ADORA2B: variants seen among roughly 807,000 people sequenced by gnomAD.
ADORA2B encodes adenosine A2b receptor, also known as adenosine receptor A2b.
A neutral mutation model predicts 20.8 loss-of-function variants in ADORA2B; 18 were observed. The observed-to-expected ratio is 0.87, with a 90% CI of 0.60 to 1.29. ADORA2B has a LOEUF of 1.29. Among genes scored for constraint, ADORA2B ranks in the 50% most tolerant of loss-of-function variants. ADORA2B has a pLI of 0.00. For missense variants in ADORA2B, 441 were observed against 422.7 expected (o/e 1.04, Z -0.38); for synonymous variants, 179 against 178.3 (o/e 1.00, Z -0.03).
chr17:15,888,815 CATAT>C, the ADORA2B span, among the ~76,000 whole-genome samples: 1,168 of 15,728 alleles, frequency 0.074, 144 homozygotes, highest in Middle Eastern at 0.2. Flanking sequence ...TATGTGATGC[CATAT>C]ATATATATAT....
the ADORA2B span, among the ~76,000 whole-genome samples, chr17:15,859,176 T>C: frequency 6.6e-6 from 1 of 152,116 alleles, no homozygotes; most frequent in African/African-American, 2.4e-5. Context: ...CAACAACTAT[T>C]GCCCTGAAGT....
chr17:15,865,262 T>G, the ADORA2B span, among the ~76,000 whole-genome samples: 3 of 152,244 alleles, frequency 2.0e-5, no homozygotes, highest in East Asian at 1.9e-4. Context: ...TAGTGTTTTT[T>G]TTGTTGTTGT....
Position 15,945,433 on chromosome 17 carries a change from C to A in ADORA2B, c.185C>A (p.Pro62His), listed in dbSNP as rs747204207. Residue 62 changes from proline (P) to histidine (H), a missense_variant, in exon 1 of 2, where the codon CCC becomes CAC. Coordinates refer to ENST00000304222, the MANE Select transcript of ADORA2B (RefSeq NM_000676.4). ...GTGGCCGTGGGGCTCTTCGCCATCC[C>A]CTTTGCCATCACCATCAGCCTGGGC... ...ADVAVGLFAI[P>H]FAITISLGFC... is the part of the protein sequence containing the mutation. 6.2e-7 allele frequency: 1 copy of A among 1,613,740 alleles called. No individual in the cohort carries two copies. Among genetic ancestry groups the A allele is most frequent in the Non-Finnish European group, 8.5e-7 (1 of 1,179,974 alleles).
the ADORA2B span, among the ~76,000 whole-genome samples, chr17:15,888,245 A>G: frequency 5.4e-5 from 7 of 129,180 alleles, 2 homozygotes; most frequent in East Asian, 1.4e-3. Flanking sequence ...AACACAGTGG[A>G]TTAGAATTAA....
At chr17:15,854,689 G>A in the ADORA2B span, among the ~76,000 whole-genome samples, 7 of 152,292 alleles carry the variant, frequency 4.6e-5, no homozygotes, top group South Asian at 6.2e-4. Context: ...TGTTTAATGC[G>A]ATGTGGAGTA....
At chr17:15,945,077 C>CGG (rs780026629), upstream of ADORA2B, 6 of 461,696 alleles carry the variant, frequency 1.3e-5, no homozygotes, top group African/African-American at 1.0e-4. Flanking sequence ...CTCTTGGCCG[C>CGG]GGGGGGCCCC....
chr17:15,962,592 C>T (rs989403715), intron 1 of ADORA2B, among the ~76,000 whole-genome samples: 5 of 151,964 alleles, frequency 3.3e-5, no homozygotes, highest in Admixed American at 6.6e-5. Context: ...AGTGCAATGG[C>T]GCAATCTCAG....
chr17:15,952,382 G>A (rs1181243804), intron 1 of ADORA2B, among the ~76,000 whole-genome samples: 7 of 152,154 alleles, frequency 4.6e-5, no homozygotes, highest in Non-Finnish European at 7.3e-5. Context: ...CCCTATGGGA[G>A]CAGATGGAGT....
the ADORA2B span, among the ~76,000 whole-genome samples, chr17:15,883,086 C>T: frequency 2.6e-5 from 4 of 152,198 alleles, no homozygotes; most frequent in Non-Finnish European, 5.9e-5. Context: ...AATTTCACCA[C>T]AAGACACTTA....
chr17:15,867,343 C>A, the ADORA2B span, among the ~76,000 whole-genome samples: 1 of 151,962 alleles, frequency 6.6e-6, no homozygotes, highest in African/African-American at 2.4e-5. Flanking sequence ...AAGTGAGGAG[C>A]GTCTCTGCCA....
chr17:15,952,099 GA>G (rs1017435489), intron 1 of ADORA2B, among the ~76,000 whole-genome samples: 2 of 151,698 alleles, frequency 1.3e-5, no homozygotes, highest in African/African-American at 2.4e-5. Context: ...GAGGGTAAAT[GA>G]AAAAAAAGTC....
chr17:15,886,362 C>G, the ADORA2B span, among the ~76,000 whole-genome samples: 2 of 129,680 alleles, frequency 1.5e-5, 1 homozygote, highest in African/African-American at 6.6e-5. Context: ...AACCACACTT[C>G]CCTGTGGGTG....
chr17:15,882,825 C>T, the ADORA2B span, among the ~76,000 whole-genome samples: 1 of 152,102 alleles, frequency 6.6e-6, no homozygotes, highest in African/African-American at 2.4e-5. Context: ...TCCCATGGGC[C>T]GTTTGTCTCA....
the ADORA2B span, among the ~76,000 whole-genome samples, chr17:15,874,036 A>G: frequency 1.7e-4 from 23 of 132,112 alleles, no homozygotes; most frequent in African/African-American, 6.3e-4. Flanking sequence ...GACTGTATAT[A>G]TATGTGTATA....
rs1970236157 is a variant in ADORA2B at position 15,975,074 on chromosome 17, C to T, written c.731C>T (p.Ala244Val). The change falls in exon 2 of 2, where the codon GCC (alanine) becomes GTC (valine). Residue 244 changes from alanine (A) to valine (V), a missense_variant. Ala to Val is a moderately conservative substitution (Grantham distance 64). Transcript: ENST00000304222. ...KSLAMIVGIF[A>V]LCWLPVHAVN... ...CTGGCCATGATTGTGGGGATTTTTG[C>T]CCTGTGCTGGTTACCTGTGCATGCT... The T allele has an allele frequency of 4.3e-6, 7 of 1,614,110 alleles. No individual in the cohort carries two copies. The highest frequency in any genetic ancestry group is 2.2e-5 in the East Asian group (1 of 44,878).
the ADORA2B span, among the ~76,000 whole-genome samples, chr17:15,921,181 A>G: frequency 1.3e-5 from 2 of 152,248 alleles, no homozygotes; most frequent in African/African-American, 4.8e-5. Flanking sequence ...GTTTCCAGAA[A>G]GCAGACAAGC....
At chr17:15,911,036 C>G in the ADORA2B span, among the ~76,000 whole-genome samples, 1 of 152,178 alleles carries the variant, frequency 6.6e-6, no homozygotes, top group South Asian at 2.1e-4. Context: ...TGAAAGTTCT[C>G]TAGACGACTC....
At chr17:15,918,721 C>T in the ADORA2B span, among the ~76,000 whole-genome samples, 21 of 152,182 alleles carry the variant, frequency 1.4e-4, no homozygotes, top group African/African-American at 4.1e-4. Context: ...CTACCCGCCT[C>T]GGCCTCCCAA....
intron 1 of ADORA2B, among the ~76,000 whole-genome samples, chr17:15,969,672 T>C (rs576029403): frequency 6.8e-4 from 104 of 152,228 alleles, no homozygotes; most frequent in Non-Finnish European, 1.1e-3. Flanking sequence ...CAAGACCTGT[T>C]GGTTCTGCCT....
Sources: allele counts gnomAD v4.1 joint callset (sites outside exome capture counted in the v4.1 genomes callset), GRCh38; gene constraint gnomAD v4.1.1; transcripts MANE v1.5; gene names NCBI Gene and HGNC (gene_info 2026-07-23, HGNC 2026-07-21).